NRXN3: variants seen among roughly 807,000 people sequenced by gnomAD.
The protein encoded by NRXN3 is neurexin 3, also known as neurexin III.
NRXN3 carries 32 observed loss-of-function variants against 137.6 expected under a neutral mutation model. The observed-to-expected ratio is 0.23, with a 90% CI of 0.18 to 0.31. The LOEUF (loss-of-function observed/expected upper bound fraction) is 0.31. Among genes scored for constraint, NRXN3 ranks in the 10% least tolerant of loss-of-function variants. The pLI is 1.00. For missense variants in NRXN3, 1,574 were observed against 2,062.5 expected (o/e 0.76, Z 4.59); for synonymous variants, 798 against 784.5 (o/e 1.02, Z -0.29).
intron 4 of NRXN3, among the ~76,000 whole-genome samples, chr14:78,441,561 G>A (rs1478035332): frequency 6.6e-6 from 1 of 151,216 alleles, no homozygotes; most frequent in African/African-American, 2.5e-5. Flanking sequence ...CCACAGTACA[G>A]TATCACACCA....
intron 16 of NRXN3, among the ~76,000 whole-genome samples, chr14:79,469,442 A>G (rs1319788462): frequency 6.6e-6 from 1 of 152,176 alleles, no homozygotes; most frequent in Non-Finnish European, 1.5e-5. Context: ...AATACTCTAA[A>G]CATACTTTGA....
At chr14:78,590,908 A>G (rs1488294473) in intron 4 of NRXN3, among the ~76,000 whole-genome samples, 6 of 152,128 alleles carry the variant, frequency 3.9e-5, no homozygotes, top group African/African-American at 1.4e-4. Context: ...AAAACAAACA[A>G]ACAAACAAAC....
At chr14:78,303,829 C>T (rs1405820031) in intron 4 of NRXN3, among the ~76,000 whole-genome samples, 8 of 152,136 alleles carry the variant, frequency 5.3e-5, no homozygotes, top group African/African-American at 1.9e-4. Context: ...CTATGCCAAA[C>T]TGCCTTGAGT....
intron 4 of NRXN3, among the ~76,000 whole-genome samples, chr14:78,586,093 T>C (rs2097059459): frequency 6.6e-6 from 1 of 152,196 alleles, no homozygotes; most frequent in Non-Finnish European, 1.5e-5. Flanking sequence ...AAATAAAGTT[T>C]AATTGGAACC....
At chr14:78,945,053 C>T (rs898363083) in intron 10 of NRXN3, among the ~76,000 whole-genome samples, 13 of 152,200 alleles carry the variant, frequency 8.5e-5, no homozygotes, top group East Asian at 1.9e-4. Context: ...TGCATATAGA[C>T]GACATCTCCC....
In NRXN3 at chr14:79,343,800, G is replaced by T. The variant is rs74449321; in HGVS notation, c.3263-123421G>T. ...GTTTACCTGCACAGTCTGGAGGAAA[G>T]AATCCTTTTTCCCTTTTTTGAGGAG... On this transcript the variant is annotated intron_variant, in intron 15 of 20. Transcript: ENST00000335750. Among the ~76,000 whole-genome samples the T allele has an allele frequency of 2.5e-3, 377 of 152,268 alleles. 2 individuals are homozygous for T. Among genetic ancestry groups the T allele is most frequent in the African/African-American group, 8.4e-3 (350 of 41,552 alleles).
At chr14:79,549,397 C>T (rs751347433) in intron 16 of NRXN3, among the ~76,000 whole-genome samples, 5 of 152,108 alleles carry the variant, frequency 3.3e-5, no homozygotes, top group Admixed American at 2.6e-4. Flanking sequence ...GTTAACAGCA[C>T]CTACTGCTGA....
intron 19 of NRXN3, among the ~76,000 whole-genome samples, chr14:79,710,721 C>T: frequency 6.6e-6 from 1 of 152,150 alleles, no homozygotes; most frequent in Non-Finnish European, 1.5e-5. Flanking sequence ...ATTTGAGTGC[C>T]TAGTATGGGC....
chr14:78,792,257 C>CAAAAAAAAAAAAAAAAA (rs140968788), intron 8 of NRXN3, among the ~76,000 whole-genome samples: 6 of 19,456 alleles, frequency 3.1e-4, no homozygotes, highest in African/African-American at 1.4e-3. Flanking sequence ...AGACTAAAGG[C>CAAAAAAAAAAAAAAAAA]AAAAAAAAAA....
chr14:79,618,873 T>C (rs2098191050), intron 16 of NRXN3, among the ~76,000 whole-genome samples: 1 of 152,054 alleles, frequency 6.6e-6, no homozygotes, highest in Admixed American at 6.6e-5. Context: ...TTTGTTTGTT[T>C]GTTTTTCACT....
chr14:78,865,213 CT>C (rs2099083632), intron 10 of NRXN3, among the ~76,000 whole-genome samples: 1 of 152,144 alleles, frequency 6.6e-6, no homozygotes, highest in Non-Finnish European at 1.5e-5. Flanking sequence ...TATTAACTCA[CT>C]ATTAATCATT....
intron 4 of NRXN3, among the ~76,000 whole-genome samples, chr14:78,307,308 T>C (rs2077468744): frequency 6.6e-6 from 1 of 152,114 alleles, no homozygotes; most frequent in South Asian, 2.1e-4. Context: ...TGCCATTACT[T>C]CTTTTTCTTT....
At chr14:78,400,524 G>A (rs891836707) in intron 4 of NRXN3, among the ~76,000 whole-genome samples, 19 of 152,136 alleles carry the variant, frequency 1.2e-4, no homozygotes, top group African/African-American at 2.9e-4. Flanking sequence ...AAAAGGTACC[G>A]CAAAAATACA....
chr14:79,195,826 G>A (rs1407960446), intron 15 of NRXN3, among the ~76,000 whole-genome samples: 2 of 152,214 alleles, frequency 1.3e-5, no homozygotes, highest in African/African-American at 2.4e-5. Flanking sequence ...GATCCCTAGT[G>A]GAGAGGATGG....
intron 10 of NRXN3, among the ~76,000 whole-genome samples, chr14:78,864,203 T>C (rs1481913281): frequency 6.6e-6 from 1 of 152,100 alleles, no homozygotes; most frequent in Non-Finnish European, 1.5e-5. Context: ...ATTTCATCCA[T>C]TGTAATTTAA....
intron 16 of NRXN3, among the ~76,000 whole-genome samples, chr14:79,596,873 G>A (rs373173827): frequency 6.6e-6 from 1 of 152,120 alleles, no homozygotes; most frequent in African/African-American, 2.4e-5. Context: ...ACTTTAGAAT[G>A]GTGGTGCTTG....
intron 16 of NRXN3, among the ~76,000 whole-genome samples, chr14:79,575,155 A>G (rs1369778625): frequency 2.0e-5 from 3 of 152,208 alleles, no homozygotes; most frequent in Non-Finnish European, 2.9e-5. Context: ...GAATTAGTAT[A>G]GGCGGAAAAC....
At chr14:78,855,740 T>G (rs1350273905) in intron 10 of NRXN3, among the ~76,000 whole-genome samples, 1 of 152,236 alleles carries the variant, frequency 6.6e-6, no homozygotes, top group Non-Finnish European at 1.5e-5. Flanking sequence ...TTTGGGGTAT[T>G]GCTCCAGTGG....
chr14:78,709,365 A>C lies in NRXN3; in HGVS notation c.1370A>C (p.Tyr457Ser). 1 of 1,614,174 alleles carries C rather than the reference A, an allele frequency of 6.2e-7. No homozygotes were observed. The highest frequency in any genetic ancestry group is 8.5e-7 in the Non-Finnish European group (1 of 1,180,008). Residue 457 changes from tyrosine (Y) to serine (S), a missense_variant, in exon 7 of 21, where the codon TAC (tyrosine) becomes TCC (serine). Physicochemically the swap from Tyr to Ser is moderately radical, Grantham distance 144. Coordinates refer to ENST00000335750, the MANE Select transcript of NRXN3 (RefSeq NM_001330195.2). ...ATCAACTTTGAGACCCCAGAGGCTT[A>C]CATCAGCTTGCCCAAGTGGAACACT... ...DPINFETPEA[Y>S]ISLPKWNTKR... is the part of the protein sequence containing the mutation.
Sources: allele counts gnomAD v4.1 joint callset (sites outside exome capture counted in the v4.1 genomes callset), GRCh38; gene constraint gnomAD v4.1.1; transcripts MANE v1.5; gene names NCBI Gene and HGNC (gene_info 2026-07-23, HGNC 2026-07-21).